The following TCP11L2 variants were observed in gnomAD, a reference collection of about 807,000 sequenced individuals.
TCP11L2 encodes t-complex 11 like 2, also known as T-complex protein 11-like protein 2.
Under a neutral mutation model 50.7 loss-of-function variants are expected in TCP11L2, and 39 were observed. The ratio of observed to expected loss-of-function variants is 0.77; its 90% confidence interval spans 0.60 to 1.01. The LOEUF (loss-of-function observed/expected upper bound fraction) is 1.01. Ranked by LOEUF, TCP11L2 falls within the 50% of genes least tolerant of loss-of-function variation. The pLI is 0.00. For missense variants in TCP11L2, 612 were observed against 614.7 expected, an observed-to-expected ratio of 1.00 and a Z score of 0.05; for synonymous variants, 192 against 219.3, an observed-to-expected ratio of 0.88 and a Z score of 1.10.
intron 3 of TCP11L2, among the ~76,000 whole-genome samples, chr12:106,315,448 C>T (rs2035040909): frequency 6.6e-6 from 1 of 152,052 alleles, no homozygotes; most frequent in African/African-American, 2.4e-5. Context: ...GTTTGATGTC[C>T]ATCTTCCCCA....
chr12:106,303,924 T>C (rs566324247), intron 1 of TCP11L2: 1 of 152,334 alleles, frequency 6.6e-6, no homozygotes, highest in South Asian at 2.1e-4. Flanking sequence ...ACCTTAACTG[T>C]GAAGAAACTG....
At position 106,321,519 on chromosome 12, in the gene TCP11L2, C is replaced by G. The variant is rs772592153; in HGVS notation, c.448C>G (p.Arg150Gly). The part of the protein sequence containing the change: ...LLSFLTPGGN[R>G]LRNQICEVLD... ...CTCTTTTCTCACTCCCGGTGGCAAC[C>G]GGCTTCGCAACCAAATCTGTGAAGT... Residue 150 changes from arginine to glycine, a missense_variant, in exon 5 of 10, where the codon CGG becomes GGG. By Grantham distance (125) the Arg-to-Gly change is moderately radical. Transcript: ENST00000299045. 6.2e-7 allele frequency: 1 copy of G among 1,614,158 alleles called. No homozygotes were observed. The highest frequency in any genetic ancestry group is 8.5e-7 in the Non-Finnish European group (1 of 1,180,020).
chr12:106,311,019 C>T (rs2034831881), intron 1 of TCP11L2, 22 bp from the exon 2 acceptor site: 17 of 1,581,694 alleles, frequency 1.1e-5, no homozygotes, highest in African/African-American at 1.3e-5. Flanking sequence ...AACATTGACG[C>T]AGGGTCTGTT....
At chr12:106,318,271 A>G (rs2035175932) in intron 3 of TCP11L2, 73 bp from the exon 4 acceptor site, 1 of 1,512,402 alleles carries the variant, frequency 6.6e-7, no homozygotes, top group African/African-American at 1.4e-5. Flanking sequence ...AGATTTCTAC[A>G]ATGAGGATGT....
intron 8 of TCP11L2, among the ~76,000 whole-genome samples, chr12:106,336,473 T>G (rs2035924640): frequency 1.3e-5 from 2 of 152,162 alleles, no homozygotes. Flanking sequence ...TACAACAGCT[T>G]TTCTTTGACA....
rs115011962 is a variant in TCP11L2, at chr12:106,342,472, C to T, written c.1315+1474C>T. Among the ~76,000 whole-genome samples, 988 of 152,252 alleles carry T rather than the reference C, an allele frequency of 6.5e-3. 16 individuals carry two copies. The highest frequency in any genetic ancestry group is 0.023 in the African/African-American group (950 of 41,532). ...TCAGAGCATGTTGTCCCCAGCTGAACAGGTAAAACCTGAGAGATGGTGTTC... is the reference window on the plus strand; with the variant it reads ...TCAGAGCATGTTGTCCCCAGCTGAATAGGTAAAACCTGAGAGATGGTGTTC... On this transcript the variant is annotated intron_variant, in intron 9 of 9. Transcript: ENST00000299045.
intron 6 of TCP11L2, among the ~76,000 whole-genome samples, chr12:106,327,913 C>T (rs2136750224): frequency 6.6e-6 from 1 of 152,240 alleles, no homozygotes; most frequent in East Asian, 1.9e-4. Flanking sequence ...TAAGTAGCAA[C>T]AAGATAACCA....
At chr12:106,333,681 A>G (rs2035818088) in intron 6 of TCP11L2, among the ~76,000 whole-genome samples, 1 of 152,220 alleles carries the variant, frequency 6.6e-6, no homozygotes. Context: ...CAAAATAATT[A>G]TAAAAAGTAA....
chr12:106,330,286 C>CATTT (rs2035701466), intron 6 of TCP11L2: 4 of 985,044 alleles, frequency 4.1e-6, no homozygotes, highest in Non-Finnish European at 4.8e-6. Context: ...GTTAGAAGAA[C>CATTT]TACTTAGAGC....
Position 106,330,860 on chromosome 12 carries a change from C to CT in TCP11L2, c.773-4778dup, listed in dbSNP as rs148933002. On this transcript the variant is annotated intron_variant, in intron 6 of 9. Transcript: ENST00000299045. The stretch of plus-strand genomic sequence containing the variant: ...CTGTGTGAGTTGTTTGTCATAGAAA[C>CT]TGCTAGCAAGGGAACTCTGCTAATA... Among the ~76,000 whole-genome samples the CT allele has an allele frequency of 6.4e-4, 97 of 152,298 alleles. 1 individual carries two copies. In the East Asian group the frequency reaches 0.016, roughly 25 times the overall value.
At chr12:106,305,271 T>C (rs1418228631) in intron 1 of TCP11L2, among the ~76,000 whole-genome samples, 2 of 151,688 alleles carry the variant, frequency 1.3e-5, no homozygotes, top group Non-Finnish European at 2.9e-5. Context: ...ATAAAGAACT[T>C]ATCATAGAAC....
At chr12:106,307,839 A>G (rs2034693226) in intron 1 of TCP11L2, among the ~76,000 whole-genome samples, 1 of 152,262 alleles carries the variant, frequency 6.6e-6, no homozygotes, top group Non-Finnish European at 1.5e-5. Flanking sequence ...AAAAGCAAAT[A>G]ATAGAAAACA....
chr12:106,298,639 A>G (rs1361311715), upstream of TCP11L2, among the ~76,000 whole-genome samples: 1 of 152,036 alleles, frequency 6.6e-6, no homozygotes, highest in Non-Finnish European at 1.5e-5. Flanking sequence ...CTCCTGCCTC[A>G]GCCTCCCAAG....
At position 106,330,121 on chromosome 12, in the gene TCP11L2, C is replaced by T. The variant is rs957599996; in HGVS notation, c.773-5518C>T. ...AAAGCAATTTGTTTCTAGTGGGAAACCTTAGAACTGGGCCTAAAGCAAAAT... is the reference window on the plus strand; with the variant it reads ...AAAGCAATTTGTTTCTAGTGGGAAATCTTAGAACTGGGCCTAAAGCAAAAT... On this transcript the variant is annotated intron_variant, in intron 6 of 9. Transcript: ENST00000299045. 4.1e-6 allele frequency: 4 copies of T among 985,232 alleles called. No individual in the cohort carries two copies. In the South Asian group the frequency reaches 1.9e-4, roughly 46 times the overall value. 61.0% of individuals were successfully genotyped at this position (985,232 alleles called of 1,614,324 possible).
intron 9 of TCP11L2, among the ~76,000 whole-genome samples, chr12:106,344,981 G>A (rs1341845557): frequency 6.6e-6 from 1 of 152,054 alleles, no homozygotes; most frequent in African/African-American, 2.4e-5. Context: ...CATGTGTGAA[G>A]TACCCTGTAA....
intron 9 of TCP11L2, 152 bp from the exon 10 acceptor site, chr12:106,346,134 T>A: frequency 1.3e-6 from 1 of 793,396 alleles, no homozygotes; most frequent in Non-Finnish European, 1.9e-6. Context: ...TAGGAGGAAC[T>A]GCAAAGCTAC....
intron 6 of TCP11L2, chr12:106,325,238 A>C (rs1217592418): frequency 6.6e-6 from 1 of 152,252 alleles, no homozygotes; most frequent in Non-Finnish European, 1.5e-5. Flanking sequence ...GCTTGGCTCC[A>C]TAGTCCATGT....
intron 1 of TCP11L2, among the ~76,000 whole-genome samples, chr12:106,307,608 A>T (rs2034683416): frequency 6.6e-6 from 1 of 152,202 alleles, no homozygotes; most frequent in Non-Finnish European, 1.5e-5. Flanking sequence ...GAAACTCAAG[A>T]CCGAGAAAGG....
chr12:106,329,952 C>T (rs766108024), intron 6 of TCP11L2: 92 of 985,588 alleles, frequency 9.3e-5, no homozygotes, highest in Non-Finnish European at 1.1e-4. Flanking sequence ...CAGAACTACT[C>T]ATAAATTATC....
Sources: gnomAD v4.1 joint callset for allele counts (sites outside exome capture counted in the v4.1 genomes callset) on GRCh38, gnomAD v4.1.1 for gene constraint, MANE v1.5 for transcripts, NCBI Gene and HGNC (gene_info 2026-07-23, HGNC 2026-07-21) for gene names.